SRR: variants seen among roughly 807,000 people sequenced by gnomAD.
SRR encodes D-serine ammonia-lyase.
A neutral mutation model predicts 32.7 loss-of-function variants in SRR; 19 were observed. The ratio of observed to expected loss-of-function variants is 0.58; its 90% CI spans 0.40 to 0.85. The LOEUF (loss-of-function observed/expected upper bound fraction) is 0.85. Among genes scored for constraint, SRR ranks in the 40% least tolerant of loss-of-function variants. The pLI is 0.00. For missense variants in SRR, 373 were observed against 404.7 expected, an observed-to-expected ratio of 0.92 and a Z score of 0.67; for synonymous variants, 142 against 140.9, an observed-to-expected ratio of 1.01 and a Z score of -0.06.
At chr17:2,318,635 TTTTTTTTTG>T (rs1373292756) in intron 3 of SRR, among the ~76,000 whole-genome samples, 182 bp from the exon 4 acceptor site, 4 of 146,268 alleles carry the variant, frequency 2.7e-5, no homozygotes, top group African/African-American at 1.0e-4. Context: ...TTTTTTTTTT[TTTTTTTTTG>T]TATTTTTAGT....
At chr17:2,310,874 G>C (rs1244600627) in intron 1 of SRR, among the ~76,000 whole-genome samples, 1 of 152,034 alleles carries the variant, frequency 6.6e-6, no homozygotes, top group Admixed American at 6.6e-5. Context: ...AGCCTCCCGA[G>C]TAGCTGGGAC....
In SRR at chr17:2,317,923, G is replaced by C. The variant is rs755306774; in HGVS notation, c.222G>C (p.Arg74Ser). ...VRSLVPDALE[R>S]KPKAVVTHSS... is the part of the protein sequence containing the mutation. ...GCTTGGTTCCTGATGCTTTAGAAAG[G>C]AAGCCGAAAGCTGTTGTTACTCACA... The change falls in exon 3 of 8, where the codon AGG becomes AGC. Residue 74 changes from arginine (R) to serine (S), a missense_variant. Physicochemically the swap from Arg to Ser is moderately radical, Grantham distance 110. Transcript: ENST00000344595. 6.2e-7 allele frequency: 1 copy of C among 1,613,960 alleles called. No individual in the cohort carries two copies. Among genetic ancestry groups the C allele is most frequent in the Non-Finnish European group, 8.5e-7 (1 of 1,179,966 alleles).
At position 2,323,729 on chromosome 17, in the gene SRR, G is replaced by C; in HGVS notation, c.879G>C (p.Val293=). Residue 293 remains valine, a synonymous_variant, in exon 8 of 8, where the codon GTG becomes GTC. Transcript: ENST00000344595. The part of the protein sequence containing the change: ...EPTAGVGVAA[V]LSQHFQTVSP... ...CAGCTGGTGTTGGAGTGGCTGCTGT[G>C]CTGTCTCAACATTTTCAAACTGTTT... is the stretch of plus-strand genomic sequence containing the variant. The C allele has an allele frequency of 6.2e-7, 1 of 1,614,164 alleles. No homozygotes were observed. Among genetic ancestry groups the C allele is most frequent in the Admixed American group, 1.7e-5 (1 of 60,020 alleles).
At chr17:2,310,319 G>T (rs1381544856) in intron 1 of SRR, among the ~76,000 whole-genome samples, 1 of 152,104 alleles carries the variant, frequency 6.6e-6, no homozygotes, top group African/African-American at 2.4e-5. Flanking sequence ...TCAATTTTTT[G>T]AGGAAGCACC....
At position 2,317,528 on chromosome 17, in the gene SRR, A is replaced by T. The variant is rs561393312; in HGVS notation, c.169-342A>T. Reference sequence around the variant, plus strand: ...AGACTAGGTCTAAAAAAATAAAAAAAAAAAATTTAGCCGGGCATGGTGGCA... The same window carrying T: ...AGACTAGGTCTAAAAAAATAAAAAATAAAAATTTAGCCGGGCATGGTGGCA... On this transcript the variant is annotated intron_variant, in intron 2 of 7. Coordinates refer to ENST00000344595, the MANE Select transcript of SRR (RefSeq NM_021947.3). Among the ~76,000 whole-genome samples, 7 of 151,348 alleles carry T rather than the reference A, an allele frequency of 4.6e-5. No homozygotes were observed. The East Asian group carries it at 5.9e-4, about 13-fold the overall frequency.
In SRR at chr17:2,323,305, T is replaced by C. The variant is rs1220208169; in HGVS notation, c.764T>C (p.Leu255Pro). The C allele has an allele frequency of 6.2e-7, 1 of 1,613,952 alleles. No homozygotes were observed. Among genetic ancestry groups the C allele is most frequent in the East Asian group, 2.2e-5 (1 of 44,896 alleles). Residue 255 changes from leucine to proline, a missense_variant, in exon 7 of 8, where the codon CTT (leucine) becomes CCT (proline). Transcript: ENST00000344595. ...GLNTWPIIRD[L>P]VDDIFTVTED... The stretch of plus-strand genomic sequence containing the variant: ...AACACCTGGCCTATTATCAGGGACC[T>C]TGTGGATGATATCTTCACTGTCACA...
rs1597271157 is a variant in SRR at position 2,322,939 on chromosome 17, A to G, written c.595-197A>G. 5 of 560,036 alleles carry G rather than the reference A, an allele frequency of 8.9e-6. No homozygotes were observed. In the East Asian group the frequency reaches 1.6e-4, roughly 17 times the overall value. The allele number at this position is 560,036 out of a possible 1,614,324, so 34.7% of individuals were successfully genotyped here. ...GCCACCACGCCTGGCTGATTTTCCT[A>G]TTTTTAGTTGACACTGCATTTCACC... is the stretch of plus-strand genomic sequence containing the variant. On this transcript the variant is annotated intron_variant, in intron 6 of 7. Transcript: ENST00000344595.
At chr17:2,318,731 A>C in intron 3 of SRR, 95 bp from the exon 4 acceptor site, 1 of 784,888 alleles carries the variant, frequency 1.3e-6, no homozygotes, top group Admixed American at 1.9e-5. Context: ...CAGCCTCCCA[A>C]AGTGCTGGGA....
chr17:2,309,734 GT>G (rs1264511538), intron 1 of SRR: 1 of 152,262 alleles, frequency 6.6e-6, no homozygotes, highest in African/African-American at 2.4e-5. Flanking sequence ...TCTTTTTCAT[GT>G]TTATGTAAAT....
intron 1 of SRR, 173 bp from the exon 2 acceptor site, chr17:2,315,384 G>T: frequency 1.8e-6 from 1 of 564,530 alleles, no homozygotes; most frequent in Non-Finnish European, 2.8e-6. Flanking sequence ...GAAAAACTTC[G>T]TTCAGCTTTT....
chr17:2,316,647 C>G (rs2075474876), intron 2 of SRR, among the ~76,000 whole-genome samples: 1 of 152,168 alleles, frequency 6.6e-6, no homozygotes, highest in African/African-American at 2.4e-5. Context: ...GAGGCTGAGG[C>G]AGGTGGATCA....
intron 4 of SRR, among the ~76,000 whole-genome samples, chr17:2,320,251 C>CTTTTTTTTTTTTTTTTTTTTTTT (rs35025479): frequency 1.3e-5 from 1 of 76,740 alleles, no homozygotes; most frequent in Non-Finnish European, 2.3e-5. Context: ...CATCTCTCAT[C>CTTTTTTTTTTTTTTTTTTTTTTT]TTTTTTTTTT....
chr17:2,303,695 C>G, upstream of SRR: 1 of 1,496,892 alleles, frequency 6.7e-7, no homozygotes, highest in Non-Finnish European at 8.9e-7. Flanking sequence ...CGCGGAGATC[C>G]GCACACGCTC....
At chr17:2,311,294 C>T (rs2075432142) in intron 1 of SRR, among the ~76,000 whole-genome samples, 1 of 152,044 alleles carries the variant, frequency 6.6e-6, no homozygotes, top group Non-Finnish European at 1.5e-5. Context: ...TTAAGCAATC[C>T]TCCTGCCACT....
intron 1 of SRR, chr17:2,306,669 A>G (rs2151428013): frequency 2.3e-6 from 1 of 427,666 alleles, no homozygotes; most frequent in Non-Finnish European, 4.3e-6. Flanking sequence ...GTGAGCCGAG[A>G]TCACGCCACT....
intron 1 of SRR, chr17:2,315,265 A>T: frequency 4.0e-5 from 8 of 198,288 alleles, no homozygotes; most frequent in Non-Finnish European, 5.0e-5. Flanking sequence ...AAAAAGGAAG[A>T]TGGAGACCAG....
intron 4 of SRR, among the ~76,000 whole-genome samples, chr17:2,319,984 A>G (rs921919365): frequency 2.6e-5 from 4 of 151,112 alleles, no homozygotes; most frequent in African/African-American, 9.7e-5. Context: ...ATGCCCAGCT[A>G]ATTTTTTCTA....
At chr17:2,316,726 G>T (rs528254556) in intron 2 of SRR, among the ~76,000 whole-genome samples, 1 of 151,894 alleles carries the variant, frequency 6.6e-6, no homozygotes, top group South Asian at 2.1e-4. Flanking sequence ...GTTTTGTTTT[G>T]TTTTGAGACG....
intron 4 of SRR, among the ~76,000 whole-genome samples, chr17:2,320,271 TTTTTTA>T (rs1263041182): frequency 6.8e-6 from 1 of 146,788 alleles, no homozygotes; most frequent in East Asian, 2.0e-4. Flanking sequence ...TTTTTTTTTT[TTTTTTA>T]GACAGAATCT....
Sources: gnomAD v4.1 joint callset for allele counts (sites outside exome capture counted in the v4.1 genomes callset) on GRCh38, gnomAD v4.1.1 for gene constraint, MANE v1.5 for transcripts, NCBI Gene and HGNC (gene_info 2026-07-23, HGNC 2026-07-21) for gene names.